KLRG1: variants seen among roughly 807,000 people sequenced by gnomAD.
The protein encoded by KLRG1 is killer cell lectin-like receptor subfamily G member 1.
In KLRG1, 16 loss-of-function variants were observed where a neutral mutation model predicts 21.8. That is an observed-to-expected ratio of 0.73 (90% CI 0.50 to 1.11). The LOEUF (loss-of-function observed/expected upper bound fraction) is 1.11. Among genes scored for constraint, KLRG1 ranks in the 50% most tolerant of loss-of-function variants. KLRG1 has a pLI of 0.00. For missense variants in KLRG1, 173 were observed against 218.3 expected (o/e 0.79, Z 1.31); for synonymous variants, 69 against 75.9 (o/e 0.91, Z 0.47).
At chr12:9,089,232 T>C in the KLRG1 span, 2 of 1,589,616 alleles carry the variant, frequency 1.3e-6, no homozygotes, top group Non-Finnish European at 1.7e-6. Context: ...GAATGTTGTT[T>C]CCTTCTCTAG....
the KLRG1 span, chr12:9,160,557 A>T: frequency 1.4e-6 from 2 of 1,443,722 alleles, no homozygotes; most frequent in Non-Finnish European, 1.9e-6. Context: ...TTATTAACAA[A>T]AATGGCCTTT....
At chr12:9,181,230 T>C in the KLRG1 span, 3 of 1,460,016 alleles carry the variant, frequency 2.1e-6, no homozygotes, top group East Asian at 4.7e-5. Flanking sequence ...TCAGTTCATA[T>C]GACTATGTTG....
At chr12:9,150,765 G>A in the KLRG1 span, 2 of 1,527,850 alleles carry the variant, frequency 1.3e-6, no homozygotes, top group African/African-American at 1.4e-5. Flanking sequence ...AAAAGTGGGA[G>A]TAATCAAGAA....
At chr12:9,139,010 A>G in the KLRG1 span, among the ~76,000 whole-genome samples, 1 of 152,046 alleles carries the variant, frequency 6.6e-6, no homozygotes, top group South Asian at 2.1e-4. Flanking sequence ...CTCTTGAAGT[A>G]TAAATTTGGG....
the KLRG1 span, among the ~76,000 whole-genome samples, chr12:9,203,510 T>C: frequency 1.3e-5 from 2 of 151,840 alleles, no homozygotes. Flanking sequence ...CCCGGCTAAT[T>C]TTTTGTATTT....
At chr12:9,139,662 C>T in the KLRG1 span, among the ~76,000 whole-genome samples, 1 of 151,992 alleles carries the variant, frequency 6.6e-6, no homozygotes, top group Admixed American at 6.5e-5. Context: ...TTGAATTGAC[C>T]CTTTTATCAT....
rs537281798 is a variant in KLRG1 at position 9,009,915 on chromosome 12, A to G, written c.*378A>G. On this transcript the variant is annotated 3_prime_UTR_variant, in exon 5 of 5. Transcript: ENST00000356986. ...GATAAAATCTATGCCAATATATACT[A>G]TTGCTTGTGTACTAGAGAAGTACAT... 7.2e-6 allele frequency: 11 copies of G among 1,521,616 alleles called. No individual in the cohort carries two copies. In the African/African-American group the frequency reaches 1.4e-4, roughly 19 times the overall value. The allele number at this position is 1,521,616 out of a possible 1,614,324, so 94.3% of individuals were successfully genotyped here.
intron 1 of KLRG1, among the ~76,000 whole-genome samples, chr12:8,979,588 C>T (rs1565541573): frequency 6.6e-6 from 1 of 152,124 alleles, no homozygotes; most frequent in African/African-American, 2.4e-5. Context: ...ATTCCTGAAT[C>T]TGGATGTCTA....
the KLRG1 span, among the ~76,000 whole-genome samples, chr12:9,085,874 C>T: frequency 1.3e-5 from 2 of 151,680 alleles, no homozygotes; most frequent in Non-Finnish European, 2.9e-5. Context: ...TAAGTATACA[C>T]CAATAAATTG....
At chr12:9,011,489 A>G, downstream of KLRG1, among the ~76,000 whole-genome samples, 1 of 152,224 alleles carries the variant, frequency 6.6e-6, no homozygotes, top group East Asian at 1.9e-4. Flanking sequence ...TGTTTGGAAT[A>G]GGACATTTAT....
chr12:9,055,640 T>C, the KLRG1 span: 2 of 152,654 alleles, frequency 1.3e-5, no homozygotes, highest in African/African-American at 4.8e-5. Flanking sequence ...AGTATCTGTA[T>C]TGCAGGGACA....
At chr12:9,098,439 T>TAC in the KLRG1 span, 1 of 425,628 alleles carries the variant, frequency 2.3e-6, no homozygotes, top group Non-Finnish European at 3.9e-6. Context: ...GTTATATATA[T>TAC]ATATATATAT....
At chr12:9,074,840 G>T in the KLRG1 span, 3 of 1,518,810 alleles carry the variant, frequency 2.0e-6, no homozygotes, top group Non-Finnish European at 2.7e-6. Context: ...TTAATTCAAG[G>T]TGAAAGTACC....
intron 1 of KLRG1, among the ~76,000 whole-genome samples, chr12:8,958,184 C>G (rs1484905859): frequency 6.6e-6 from 1 of 152,178 alleles, no homozygotes; most frequent in Non-Finnish European, 1.5e-5. Context: ...AAGCATGAAC[C>G]AGTGTGCCCG....
chr12:9,029,306 C>T, the KLRG1 span, among the ~76,000 whole-genome samples: 1 of 152,138 alleles, frequency 6.6e-6, no homozygotes, highest in African/African-American at 2.4e-5. Flanking sequence ...ACCTCTGCCT[C>T]CTGGATTCAA....
the KLRG1 span, among the ~76,000 whole-genome samples, chr12:9,078,160 C>G: frequency 2.0e-5 from 3 of 152,066 alleles, no homozygotes; most frequent in Admixed American, 6.6e-5. Flanking sequence ...TTTCTTGCAC[C>G]TATTGACCCA....
chr12:9,015,646 A>G (rs768194652), downstream of KLRG1, among the ~76,000 whole-genome samples: 3 of 152,328 alleles, frequency 2.0e-5, no homozygotes, highest in South Asian at 4.1e-4. Context: ...AATCTGTCCT[A>G]TAGACCAAGT....
At chr12:9,160,976 T>C in the KLRG1 span, 1 of 1,316,850 alleles carries the variant, frequency 7.6e-7, no homozygotes, top group Non-Finnish European at 1.1e-6. Flanking sequence ...AATACGTAGA[T>C]AAGATGTACA....
At chr12:9,148,959 G>T in the KLRG1 span, 1 of 1,604,790 alleles carries the variant, frequency 6.2e-7, no homozygotes, top group Non-Finnish European at 8.5e-7. Flanking sequence ...AAAATATACA[G>T]CCTGTATGGT....
Sources: gnomAD v4.1 joint callset for allele counts (sites outside exome capture counted in the v4.1 genomes callset) on GRCh38, gnomAD v4.1.1 for gene constraint, MANE v1.5 for transcripts, NCBI Gene and HGNC (gene_info 2026-07-23, HGNC 2026-07-21) for gene names.